DSCAML1: variants seen among roughly 807,000 people sequenced by gnomAD.
DSCAML1 encodes cell adhesion molecule DSCAML1.
DSCAML1 carries 38 observed loss-of-function variants against 200.5 expected under a neutral mutation model. That is an observed-to-expected ratio of 0.19 (90% CI 0.15 to 0.25). The LOEUF is 0.25. DSCAML1 is among the 10% of genes least tolerant of loss of function. The pLI is 1.00. For missense variants in DSCAML1, 2,223 were observed against 2,858.8 expected (o/e 0.78, Z 5.07); for synonymous variants, 1,215 against 1,165.0 (o/e 1.04, Z -0.87).
chr11:117,643,350 T>C (rs993544070), intron 3 of DSCAML1, among the ~76,000 whole-genome samples: 5 of 152,188 alleles, frequency 3.3e-5, no homozygotes, highest in African/African-American at 1.2e-4. Context: ...TGTGTGTGTA[T>C]GTGGGGAGGA....
intron 3 of DSCAML1, among the ~76,000 whole-genome samples, chr11:117,754,993 C>T (rs1306326826): frequency 1.3e-5 from 2 of 152,142 alleles, no homozygotes; most frequent in African/African-American, 2.4e-5. Context: ...CCACAGACAA[C>T]CTTCTCCTGT....
At chr11:117,691,801 A>AG (rs142190677) in intron 3 of DSCAML1, among the ~76,000 whole-genome samples, 12,171 of 152,022 alleles carry the variant, frequency 0.08, 508 homozygotes, top group East Asian at 0.14. Flanking sequence ...TTCTCTCCCC[A>AG]GGGGGGTTTT....
chr11:117,451,052 T>C (rs1429381405), intron 19 of DSCAML1, among the ~76,000 whole-genome samples: 2 of 152,154 alleles, frequency 1.3e-5, no homozygotes, highest in Non-Finnish European at 2.9e-5. Context: ...TGTAAGCATG[T>C]ATTTAGGGGG....
intron 18 of DSCAML1, among the ~76,000 whole-genome samples, chr11:117,461,048 C>T (rs1268738582): frequency 2.2e-5 from 3 of 134,496 alleles, no homozygotes; most frequent in East Asian, 4.9e-4. Context: ...GCTCACATAG[C>T]CATAAAGGCC....
intron 3 of DSCAML1, among the ~76,000 whole-genome samples, chr11:117,633,745 C>T (rs1412061171): frequency 2.0e-5 from 3 of 152,186 alleles, no homozygotes; most frequent in Non-Finnish European, 2.9e-5. Flanking sequence ...CTTGTCTGTT[C>T]GAAACGCAGC....
At chr11:117,620,640 T>C (rs1339640546) in intron 3 of DSCAML1, among the ~76,000 whole-genome samples, 1 of 152,186 alleles carries the variant, frequency 6.6e-6, no homozygotes, top group Non-Finnish European at 1.5e-5. Flanking sequence ...GAAAATATCC[T>C]TGCTCCTATA....
chr11:117,657,490 C>T (rs1377240636), intron 3 of DSCAML1, among the ~76,000 whole-genome samples: 2 of 152,230 alleles, frequency 1.3e-5, no homozygotes, highest in Admixed American at 6.5e-5. Flanking sequence ...TTGTCAGACA[C>T]TCATGTAACA....
chr11:117,657,634 G>A (rs2052761259), intron 3 of DSCAML1, among the ~76,000 whole-genome samples: 1 of 152,150 alleles, frequency 6.6e-6, no homozygotes, highest in African/African-American at 2.4e-5. Flanking sequence ...TCTACATGGG[G>A]ATCTGCTTTT....
At chr11:117,714,879 C>T (rs1370453952) in intron 3 of DSCAML1, among the ~76,000 whole-genome samples, 1 of 145,988 alleles carries the variant, frequency 6.8e-6, no homozygotes, top group Non-Finnish European at 1.5e-5. Context: ...CATGGAGACA[C>T]ACGATGACGC....
At chr11:117,434,981 C>A (rs2137068826) in intron 27 of DSCAML1, among the ~76,000 whole-genome samples, 1 of 152,322 alleles carries the variant, frequency 6.6e-6, no homozygotes, top group Non-Finnish European at 1.5e-5. Flanking sequence ...TATGGCTTGG[C>A]CGTTCTTTAT....
At chr11:117,567,462 G>A (rs951977644) in intron 3 of DSCAML1, among the ~76,000 whole-genome samples, 4 of 151,990 alleles carry the variant, frequency 2.6e-5, no homozygotes, top group African/African-American at 7.2e-5. Context: ...TGAGTTCATT[G>A]TAGATTCTGG....
intron 14 of DSCAML1, among the ~76,000 whole-genome samples, chr11:117,478,297 C>G (rs563100499): frequency 6.6e-6 from 1 of 152,166 alleles, no homozygotes; most frequent in Non-Finnish European, 1.5e-5. Context: ...CACCTCCCAT[C>G]CCAGATGTGC....
intron 1 of DSCAML1, among the ~76,000 whole-genome samples, chr11:117,812,920 C>T (rs558276021): frequency 1.3e-5 from 2 of 152,090 alleles, no homozygotes; most frequent in South Asian, 2.1e-4. Flanking sequence ...CGTGCAGCGG[C>T]TGCCACTGCT....
At chr11:117,690,663 T>C (rs1429662980) in intron 3 of DSCAML1, among the ~76,000 whole-genome samples, 1 of 152,238 alleles carries the variant, frequency 6.6e-6, no homozygotes, top group Non-Finnish European at 1.5e-5. Flanking sequence ...CAGCCACCTC[T>C]GGACCATGCT....
At position 117,484,886 on chromosome 11, in the gene DSCAML1, A is replaced by T. The variant is rs918323378; in HGVS notation, c.2360-2724T>A. Among the ~76,000 whole-genome samples the T allele has an allele frequency of 8.4e-5, 10 of 119,194 alleles. No individual in the cohort carries two copies. The South Asian group carries it at 2.8e-3, about 33-fold the overall frequency. The allele number at this position is 119,194 out of a possible 152,430, so 78.2% of individuals were successfully genotyped here. A position where few individuals can be genotyped will look rare whatever the true frequency, so the allele number is the denominator to read the frequency against. On this transcript the variant is annotated intron_variant, in intron 11 of 32. Coordinates refer to ENST00000651296, the MANE Select transcript of DSCAML1 (RefSeq NM_020693.4). ...TGAAGCCACAGAGAAGCAGAGGAAC[A>T]GTGTGTGTGTGTGTGTGTGTGTGTG...
chr11:117,564,885 C>A (rs2050729303), intron 3 of DSCAML1, among the ~76,000 whole-genome samples: 1 of 152,084 alleles, frequency 6.6e-6, no homozygotes, highest in African/African-American at 2.4e-5. Context: ...ACTGCCTCAG[C>A]CTCCCAAGTA....
Position 117,621,364 on chromosome 11 carries a change from T to G in DSCAML1, c.512-88842A>C, listed in dbSNP as rs2051926188. On this transcript the variant is annotated intron_variant, in intron 3 of 32. Transcript: ENST00000651296. ...AATTTATATACTGCTAGAAATAAAT[T>G]TATTTGCTAATGTTTGAAACCCTAG... 2.6e-5 allele frequency among the ~76,000 whole-genome samples: 4 copies of G among 152,278 alleles called. No homozygotes were observed. In the South Asian group the frequency reaches 8.3e-4, roughly 32 times the overall value.
At chr11:117,701,337 C>T (rs563843559) in intron 3 of DSCAML1, among the ~76,000 whole-genome samples, 43 of 152,274 alleles carry the variant, frequency 2.8e-4, no homozygotes, top group Admixed American at 2.2e-3. Flanking sequence ...CAGGGAGGCT[C>T]GCGCTTTGCT....
chr11:117,687,848 G>T (rs1410421330), intron 3 of DSCAML1, among the ~76,000 whole-genome samples: 1 of 152,188 alleles, frequency 6.6e-6, no homozygotes, highest in Non-Finnish European at 1.5e-5. Context: ...AGGTCCCAGG[G>T]AGCTTAGGGG....
Sources: allele counts gnomAD v4.1 joint callset (sites outside exome capture counted in the v4.1 genomes callset), GRCh38; gene constraint gnomAD v4.1.1; transcripts MANE v1.5; gene names NCBI Gene and HGNC (gene_info 2026-07-23, HGNC 2026-07-21).